The following RCC1L variants were observed in gnomAD, a reference collection of about 807,000 sequenced individuals.
RCC1L encodes RCC1-like G exchanging factor-like protein.
A neutral mutation model predicts 58.6 loss-of-function variants in RCC1L; 46 were observed. The ratio of observed to expected loss-of-function variants is 0.79; its 90% CI spans 0.62 to 1.00. The LOEUF (loss-of-function observed/expected upper bound fraction) is 1.00. Among genes scored for constraint, RCC1L ranks in the 50% least tolerant of loss-of-function variants. RCC1L has a pLI of 0.00. For synonymous variants in RCC1L, 281 were observed against 262.9 expected, an observed-to-expected ratio of 1.07 and a Z score of -0.67; for missense variants, 636 against 623.6, an observed-to-expected ratio of 1.02 and a Z score of -0.21.
chr7:75,043,018 C>T lies in RCC1L; in HGVS notation c.*14G>A. The T allele has an allele frequency of 6.2e-7, 1 of 1,614,026 alleles. No individual in the cohort carries two copies. Among genetic ancestry groups the T allele is most frequent in the South Asian group, 1.1e-5 (1 of 91,080 alleles). ...GGTTCCCGGGACGGGGCCGCCCAAG[C>T]AGGTGAGGGAGGTTTAGATGAATGA... On this transcript the variant is annotated 3_prime_UTR_variant, in exon 11 of 11. Transcript: ENST00000610322.
chr7:75,057,489 C>T, intron 8 of RCC1L, 40 bp downstream of exon 8: 1 of 1,602,352 alleles, frequency 6.2e-7, no homozygotes, highest in Non-Finnish European at 8.6e-7. Flanking sequence ...ATGTAATCTA[C>T]CTACAGCTTC....
intron 10 of RCC1L, among the ~76,000 whole-genome samples, chr7:75,035,382 C>A (rs1490747238): frequency 6.6e-6 from 1 of 152,122 alleles, no homozygotes; most frequent in Non-Finnish European, 1.5e-5. Flanking sequence ...AGAAAGCCTG[C>A]CATGAGCCTG....
downstream of RCC1L, chr7:75,042,081 T>C (rs1411360670): frequency 1.4e-6 from 1 of 697,920 alleles, no homozygotes; most frequent in Non-Finnish European, 1.8e-6. Context: ...CTCATCTCTA[T>C]AAAAGTATTT....
intron 10 of RCC1L, among the ~76,000 whole-genome samples, chr7:75,050,987 G>A: frequency 6.6e-6 from 1 of 151,914 alleles, no homozygotes; most frequent in Non-Finnish European, 1.5e-5. Context: ...CAGCTATTCA[G>A]GAGGCTGAGG....
At chr7:75,059,776 C>T (rs1806215085) in intron 6 of RCC1L, among the ~76,000 whole-genome samples, 1 of 152,062 alleles carries the variant, frequency 6.6e-6, no homozygotes. Flanking sequence ...AGAGCCCATG[C>T]CATCCCCAAC....
At chr7:75,071,565 G>C (rs587650524) in intron 1 of RCC1L, among the ~76,000 whole-genome samples, 7 of 152,254 alleles carry the variant, frequency 4.6e-5, no homozygotes, top group Non-Finnish European at 1.0e-4. Flanking sequence ...GCTTGAACCT[G>C]GGAGGCAGAG....
In RCC1L at chr7:75,043,034, A is replaced by G; in HGVS notation, c.1393T>C (p.Ter465GlnextTer42). 1 of 1,614,022 alleles carries G rather than the reference A, an allele frequency of 6.2e-7. No individual in the cohort carries two copies. Among genetic ancestry groups the G allele is most frequent in the Non-Finnish European group, 8.5e-7 (1 of 1,179,870 alleles). The change falls in exon 11 of 11, where the codon TAA becomes CAA. Residue 465 changes from the stop codon to glutamine (Q), a stop_lost. Transcript: ENST00000610322. ...HMVTLAKSFI[*>Q] ...CCGCCCAAGCAGGTGAGGGAGGTTT[A>G]GATGAATGACTTGGCCAGGGTCACC...
At chr7:75,031,704 G>T (rs1289312336) in intron 10 of RCC1L, among the ~76,000 whole-genome samples, 1 of 152,056 alleles carries the variant, frequency 6.6e-6, no homozygotes, top group Non-Finnish European at 1.5e-5. Flanking sequence ...TAGTTACCTG[G>T]TGCTGTATAA....
chr7:75,065,127 G>C (rs587691768), intron 3 of RCC1L, among the ~76,000 whole-genome samples: 1 of 151,206 alleles, frequency 6.6e-6, no homozygotes, highest in Non-Finnish European at 1.5e-5. Flanking sequence ...TGACAGCCTT[G>C]TGTGTGATCT....
chr7:75,042,409 A>G lies in RCC1L; in HGVS notation c.*623T>C. On this transcript the variant is annotated 3_prime_UTR_variant, in exon 11 of 11. Coordinates refer to ENST00000610322, the MANE Select transcript of RCC1L (RefSeq NM_030798.5). ...CCTGAGGGGCTTCTTAACTTTTCCA[A>G]GCCAGGCAGTGAGCGTGGTGGGAGG... 2 of 986,062 alleles carry G rather than the reference A, an allele frequency of 2.0e-6. No homozygotes were observed. The highest frequency in any genetic ancestry group is 3.5e-5 in the African/African-American group (2 of 57,362). The allele number at this position is 986,062 out of a possible 1,614,324, so 61.1% of individuals were successfully genotyped here.
At chr7:75,027,926 C>T in exon 11 of RCC1L, 1 of 1,274,632 alleles carries the variant, frequency 7.8e-7, no homozygotes, top group Non-Finnish European at 1.1e-6. Flanking sequence ...GGGAGGGTCT[C>T]TCCAGGCCCC....
Position 75,042,967 on chromosome 7 carries a change from G to A in RCC1L, c.*65C>T, listed in dbSNP as rs1162987156. On this transcript the variant is annotated 3_prime_UTR_variant, in exon 11 of 11. Coordinates refer to ENST00000610322, the MANE Select transcript of RCC1L (RefSeq NM_030798.5). Reference sequence around the variant, plus strand: ...AAGAACCCCGGGGGGCTGGCCACGCGCTGGCCTCTGCCAAGGAGTGCCAGT... The same window carrying A: ...AAGAACCCCGGGGGGCTGGCCACGCACTGGCCTCTGCCAAGGAGTGCCAGT... The A allele has an allele frequency of 3.0e-5, 48 of 1,612,406 alleles. No individual in the cohort carries two copies. The highest frequency in any genetic ancestry group is 5.3e-5 in the African/African-American group (4 of 74,932).
At chr7:75,049,074 CTAAGAA>C (rs1432630261) in intron 10 of RCC1L, among the ~76,000 whole-genome samples, 2 of 152,316 alleles carry the variant, frequency 1.3e-5, no homozygotes, top group East Asian at 3.9e-4. Context: ...TTCTGCAAGT[CTAAGAA>C]TAACTAGTTG....
chr7:75,031,581 CTCA>C (rs1805307907), intron 10 of RCC1L, among the ~76,000 whole-genome samples: 2 of 151,506 alleles, frequency 1.3e-5, no homozygotes, highest in African/African-American at 4.8e-5. Context: ...AGAACCTGGT[CTCA>C]TCTCTTTCTC....
intron 5 of RCC1L, among the ~76,000 whole-genome samples, chr7:75,061,624 A>T (rs1185930183): frequency 6.6e-6 from 1 of 151,848 alleles, no homozygotes; most frequent in Non-Finnish European, 1.5e-5. Context: ...CCTTGCTCAC[A>T]CACTCAGCCT....
chr7:75,029,429 T>C (rs1329026598), intron 10 of RCC1L, among the ~76,000 whole-genome samples: 1 of 150,918 alleles, frequency 6.6e-6, no homozygotes, highest in African/African-American at 2.4e-5. Context: ...CTGCAACCTC[T>C]GCTTCCCAGG....
intron 2 of RCC1L, 140 bp downstream of exon 2, chr7:75,070,499 AG>A: frequency 9.2e-7 from 1 of 1,091,496 alleles, no homozygotes; most frequent in Non-Finnish European, 1.3e-6. Flanking sequence ...TGAACCCGGG[AG>A]GTGGAGGTTG....
rs1159452404 is a variant in RCC1L, at chr7:75,048,324, C to T, written c.1317+4387G>A. Among the ~76,000 whole-genome samples, 20 of 151,262 alleles carry T rather than the reference C, an allele frequency of 1.3e-4. No homozygotes were observed. The Middle Eastern group carries it at 0.014, about 106-fold the overall frequency. ...TAAGACCCAGGGCTATGGAAGGAGT[C>T]GTATAAGCGAGGCTAGAAGTCAGCG... On this transcript the variant is annotated intron_variant, in intron 10 of 10. Transcript: ENST00000610322.
chr7:75,049,103 G>A (rs999888296), intron 10 of RCC1L, among the ~76,000 whole-genome samples: 10 of 152,202 alleles, frequency 6.6e-5, no homozygotes, highest in South Asian at 2.1e-4. Flanking sequence ...ACCAGTGTAT[G>A]AGCTACAAGT....
Sources: gnomAD v4.1 joint callset for allele counts (sites outside exome capture counted in the v4.1 genomes callset) on GRCh38, gnomAD v4.1.1 for gene constraint, MANE v1.5 for transcripts, NCBI Gene and HGNC (gene_info 2026-07-23, HGNC 2026-07-21) for gene names.